UPF2: variants seen among roughly 807,000 people sequenced by gnomAD.
UPF2 encodes the protein regulator of nonsense transcripts 2.
UPF2 carries 17 observed loss-of-function variants against 141.4 expected under a neutral mutation model. The ratio of observed to expected loss-of-function variants is 0.12; its 90% CI spans 0.08 to 0.18. The LOEUF (loss-of-function observed/expected upper bound fraction) is 0.18, where lower values mean the gene tolerates loss of function less well. Ranked by LOEUF, UPF2 falls within the 10% of genes least tolerant of loss-of-function variation. UPF2 has a pLI of 1.00. For synonymous variants in UPF2, 540 were observed against 498.0 expected (o/e 1.08, Z -1.12); for missense variants, 1,152 against 1,515.9 (o/e 0.76, Z 3.99).
At chr10:12,033,742 T>C (rs930220488) in intron 2 of UPF2, among the ~76,000 whole-genome samples, 2 of 152,080 alleles carry the variant, frequency 1.3e-5, no homozygotes, top group Non-Finnish European at 2.9e-5. Flanking sequence ...AGAGACAGGG[T>C]CTCGCTATAT....
intron 8 of UPF2, among the ~76,000 whole-genome samples, chr10:11,991,492 G>T (rs1318528741): frequency 6.6e-6 from 1 of 151,982 alleles, no homozygotes; most frequent in East Asian, 1.9e-4. Context: ...TATGAAAATG[G>T]AAAGGGCATG....
At chr10:12,007,654 C>A (rs929990369) in intron 4 of UPF2, among the ~76,000 whole-genome samples, 1 of 151,836 alleles carries the variant, frequency 6.6e-6, no homozygotes, top group African/African-American at 2.4e-5. Context: ...CACAGTGAAA[C>A]CCCGTCTCTA....
In UPF2 at chr10:11,956,488, G is replaced by T. The variant is rs145099856; in HGVS notation, c.2406C>A (p.Asp802Glu). ...LRQMRKLPWQ[D>E]QEVKDYVICC... ...AAATAACATAGTCTTTCACTTCTTG[G>T]TCCTGCCAGGGCAGCTTTCGCATCT... The change falls in exon 13 of 22, where the codon GAC (aspartate) becomes GAA (glutamate). Residue 802 changes from aspartate to glutamate, a missense_variant. This residue lies in a region of UPF2 where 739 missense variants were observed against 1,032.2 expected (regional missense o/e 0.72). Coordinates refer to ENST00000357604, the MANE Select transcript of UPF2 (RefSeq NM_015542.4). The surrounding 1 kb of genome is among the most constrained non-coding windows in gnomAD (Gnocchi z 4.2). The T allele has an allele frequency of 1.2e-6, 2 of 1,613,750 alleles. No individual in the cohort carries two copies. The highest frequency in any genetic ancestry group is 1.7e-6 in the Non-Finnish European group (2 of 1,179,844).
chr10:12,042,045 G>A lies in UPF2; in HGVS notation c.-19+710C>T, dbSNP rs141721132. Among the ~76,000 whole-genome samples, 590 of 152,152 alleles carry A rather than the reference G, an allele frequency of 3.9e-3. 2 individuals carry two copies. Among genetic ancestry groups the A allele is most frequent in the African/African-American group, 0.014 (568 of 41,508 alleles). Reference sequence around the variant, plus strand: ...GTGCTTGGCGCCTTGAAGAGGTGAAGGTAAAGTGAAGAATCAACCAGCCTA... The same window carrying A: ...GTGCTTGGCGCCTTGAAGAGGTGAAAGTAAAGTGAAGAATCAACCAGCCTA... On this transcript the variant is annotated intron_variant, in intron 1 of 21. Coordinates refer to ENST00000357604, the MANE Select transcript of UPF2 (RefSeq NM_015542.4). This position sits in a 1 kb window ranked among gnomAD's most constrained non-coding sequence, Gnocchi z 5.5.
chr10:12,034,913 G>C lies in UPF2; in HGVS notation c.365+146C>G, dbSNP rs114440162. 4.2e-4 allele frequency: 520 copies of C among 1,224,782 alleles called. 3 individuals carry two copies. The African/African-American group carries it at 7.2e-3, about 17-fold the overall frequency. The allele number at this position is 1,224,782 out of a possible 1,614,324, so 75.9% of individuals were successfully genotyped here. A position where few individuals can be genotyped will look rare whatever the true frequency, so the allele number is the denominator to read the frequency against. On this transcript the variant is annotated intron_variant, in intron 2 of 21. Coordinates refer to ENST00000357604, the MANE Select transcript of UPF2 (RefSeq NM_015542.4). ...CACACCTTAAGCATGCCTCTAGTCAGTGAAACTAACAGAACAAGTAAATTA... is the reference window on the plus strand; with the variant it reads ...CACACCTTAAGCATGCCTCTAGTCACTGAAACTAACAGAACAAGTAAATTA...
Position 11,967,377 on chromosome 10 carries a change from C to T in UPF2, c.2031G>A (p.Lys677=). The T allele has an allele frequency of 6.3e-7, 1 of 1,588,570 alleles. No individual in the cohort carries two copies. The highest frequency in any genetic ancestry group is 1.8e-5 in the Admixed American group (1 of 54,142). The change falls in exon 10 of 22, where the codon AAG becomes AAA. Residue 677 remains lysine (K), a synonymous_variant. Coordinates refer to ENST00000357604, the MANE Select transcript of UPF2 (RefSeq NM_015542.4). ...GCAGTGTGTCATTTTTGGTGAACAT[C>T]TTAAACTTAGTTAGTTCTCCTATAA... ...VRFIGELTKF[K]MFTKNDTLHC... is the part of the protein sequence containing the mutation.
Position 12,001,783 on chromosome 10 carries a change from T to C in UPF2, c.1547A>G (p.Asp516Gly). Residue 516 changes from aspartate (D) to glycine (G), a missense_variant, in exon 6 of 22, where the codon GAT becomes GGT. By Grantham distance (94) the Asp-to-Gly change is moderately conservative (BLOSUM62 -1). This residue lies in a region of UPF2 where 739 missense variants were observed against 1,032.2 expected (regional missense o/e 0.72). Coordinates refer to ENST00000357604, the MANE Select transcript of UPF2 (RefSeq NM_015542.4). The stretch of plus-strand genomic sequence containing the variant: ...ATTCTCCAACTCAAGTTCCAAATCA[T>C]CGGGACTTGATACCTCCTTATTCTC... ...SKENKEVSSP[D>G]DLELELENLE... The C allele has an allele frequency of 6.2e-7, 1 of 1,612,220 alleles. No individual in the cohort carries two copies.
chr10:12,034,563 G>GA (rs958392050), intron 2 of UPF2, among the ~76,000 whole-genome samples: 1 of 27,328 alleles, frequency 3.7e-5, no homozygotes, highest in African/African-American at 6.4e-5. Context: ...CCAGCACTTT[G>GA]GGGAGGCTGA....
chr10:12,029,391 T>C lies in UPF2; in HGVS notation c.499A>G (p.Ser167Gly). Reference sequence around the variant, plus strand: ...ACAAAAGCAGTATTTTTCTTCAAACTTGAGTCGAGGCGGCTGAAGAAGTTT... The same window carrying C: ...ACAAAAGCAGTATTTTTCTTCAAACCTGAGTCGAGGCGGCTGAAGAAGTTT... The part of the protein sequence containing the change: ...EENFFSRLDS[S>G]LKKNTAFVKK... Residue 167 changes from serine (S) to glycine (G), a missense_variant, in exon 3 of 22, where the codon AGT (serine) becomes GGT (glycine). By Grantham distance (56) the Ser-to-Gly change is moderately conservative. Transcript: ENST00000357604. 6.2e-7 allele frequency: 1 copy of C among 1,614,236 alleles called. No individual in the cohort carries two copies. Among genetic ancestry groups the C allele is most frequent in the Non-Finnish European group, 8.5e-7 (1 of 1,180,044 alleles).
At chr10:11,989,931 G>C (rs925374357) in intron 8 of UPF2, among the ~76,000 whole-genome samples, 9 of 152,192 alleles carry the variant, frequency 5.9e-5, no homozygotes, top group African/African-American at 2.2e-4. Flanking sequence ...TCAGAGGTTT[G>C]TTGTTCCTCC....
intron 5 of UPF2, 46 bp downstream of exon 5, chr10:12,004,484 T>C (rs1396961097): frequency 6.9e-7 from 1 of 1,451,208 alleles, no homozygotes; most frequent in East Asian, 2.4e-5. Flanking sequence ...ATTTTGAAGC[T>C]AATTCTTATA....
At position 11,956,261 on chromosome 10, in the gene UPF2, A is replaced by G. The variant is rs1419099543; in HGVS notation, c.2574+59T>C. On this transcript the variant is annotated intron_variant, in intron 13 of 21. Coordinates refer to ENST00000357604, the MANE Select transcript of UPF2 (RefSeq NM_015542.4). This position sits in a 1 kb window ranked among gnomAD's most constrained non-coding sequence, Gnocchi z 4.2. ...ATAACTTGAGTCTCAATAGTAACCT[A>G]GAAATAATAAATTCTCCACGAATTC... is the stretch of plus-strand genomic sequence containing the variant. 6.6e-7 allele frequency: 1 copy of G among 1,508,972 alleles called. No individual in the cohort carries two copies. Among genetic ancestry groups the G allele is most frequent in the East Asian group, 2.3e-5 (1 of 44,368 alleles). The allele number at this position is 1,508,972 out of a possible 1,614,324, so 93.5% of individuals were successfully genotyped here.
At position 11,980,907 on chromosome 10, in the gene UPF2, G is replaced by A. The variant is rs1027464048; in HGVS notation, c.1845-1742C>T. On this transcript the variant is annotated intron_variant, in intron 8 of 21. Coordinates refer to ENST00000357604, the MANE Select transcript of UPF2 (RefSeq NM_015542.4). The surrounding 1 kb of genome is among the most constrained non-coding windows in gnomAD (Gnocchi z 4.2). ...GGATGGAAATAAATTTGAAAGGTAT[G>A]GTTAGGCTGGGCATGGTGGTCAATA... Among the ~76,000 whole-genome samples, 1 of 152,058 alleles carries A rather than the reference G, an allele frequency of 6.6e-6. No individual in the cohort carries two copies. The highest frequency in any genetic ancestry group is 6.6e-5 in the Admixed American group (1 of 15,260).
At chr10:11,994,054 T>C (rs1833826162) in intron 8 of UPF2, among the ~76,000 whole-genome samples, 3 of 151,770 alleles carry the variant, frequency 2.0e-5, no homozygotes, top group Admixed American at 6.6e-5. Flanking sequence ...TATGAAGTGC[T>C]AGAAAAGAAA....
intron 18 of UPF2, among the ~76,000 whole-genome samples, chr10:11,941,601 C>T (rs1262120535): frequency 6.6e-6 from 1 of 152,120 alleles, no homozygotes; most frequent in Non-Finnish European, 1.5e-5. Flanking sequence ...CTACGACCTT[C>T]TCTAGCTACC....
chr10:11,975,895 T>C (rs1250411346), intron 9 of UPF2, among the ~76,000 whole-genome samples: 3 of 152,216 alleles, frequency 2.0e-5, no homozygotes, highest in Non-Finnish European at 4.4e-5. Context: ...ATTTTATTAA[T>C]CCACTGTTGG....
chr10:11,951,512 T>C (rs112599731), intron 15 of UPF2, among the ~76,000 whole-genome samples: 14 of 152,314 alleles, frequency 9.2e-5, no homozygotes, highest in African/African-American at 3.1e-4. Context: ...GAGTTAACTC[T>C]TCTCCCCAAA....
At chr10:11,938,105 G>A (rs1300695682) in intron 18 of UPF2, among the ~76,000 whole-genome samples, 2 of 152,062 alleles carry the variant, frequency 1.3e-5, no homozygotes, top group Non-Finnish European at 2.9e-5. Flanking sequence ...TAACAATGCA[G>A]TATGTTCTTT....
At chr10:11,943,767 C>A (rs1032248577) in intron 16 of UPF2, among the ~76,000 whole-genome samples, 3 of 152,032 alleles carry the variant, frequency 2.0e-5, no homozygotes, top group Non-Finnish European at 4.4e-5. Context: ...AAGCAGAAGA[C>A]CTGGCCTTTC....
Sources: gnomAD v4.1 joint callset for allele counts (sites outside exome capture counted in the v4.1 genomes callset) on GRCh38, gnomAD v4.1.1 for gene constraint, gnomAD v4.1.1 regional missense constraint, Gnocchi (gnomAD v3.1) non-coding constraint, MANE v1.5 for transcripts, NCBI Gene and HGNC (gene_info 2026-07-23, HGNC 2026-07-21) for gene names.